DMD: variants seen among roughly 807,000 people sequenced by gnomAD.
DMD encodes mutant dystrophin.
DMD carries 63 observed loss-of-function variants against 330.1 expected under a neutral mutation model. The ratio of observed to expected loss-of-function variants is 0.19; its 90% CI spans 0.16 to 0.24. The LOEUF (loss-of-function observed/expected upper bound fraction) is 0.24. Ranked by LOEUF, DMD falls within the 10% of genes least tolerant of loss-of-function variation. The probability of loss-of-function intolerance (pLI) is 1.00; values close to 1 mark genes in which losing one functional copy is unlikely to be tolerated. For synonymous variants in DMD, 1,223 were observed against 959.8 expected (o/e 1.27, Z -5.07); for missense variants, 3,344 against 2,684.1 (o/e 1.25, Z -5.43).
chrX:32,235,429 C>T (rs2097184030), intron 43 of DMD, among the ~76,000 whole-genome samples: 2 of 111,536 alleles, frequency 1.8e-5, no homozygotes, highest in African/African-American at 6.5e-5. Context: ...CTGCTGCTCA[C>T]CTACTGCTTT....
intron 44 of DMD, among the ~76,000 whole-genome samples, chrX:32,015,523 T>C (rs2095754294): frequency 9.0e-6 from 1 of 111,569 alleles, no homozygotes; most frequent in Non-Finnish European, 1.9e-5. Context: ...CAGGTCTAAG[T>C]TCCCAAGTGA....
intron 25 of DMD, among the ~76,000 whole-genome samples, chrX:32,456,863 G>A (rs377018786): frequency 9.5e-6 from 1 of 105,661 alleles, no homozygotes; most frequent in Admixed American, 1.0e-4. Context: ...GTTTTAACAT[G>A]TTAGATTTAA....
chrX:32,323,436 G>A (rs990036408), intron 41 of DMD, among the ~76,000 whole-genome samples: 4 of 111,562 alleles, frequency 3.6e-5, no homozygotes, highest in Non-Finnish European at 7.5e-5. Context: ...AAGTGATAGT[G>A]TAATTTAAGT....
intron 7 of DMD, among the ~76,000 whole-genome samples, chrX:32,710,343 TA>T (rs1219509145): frequency 9.0e-6 from 1 of 110,821 alleles, no homozygotes; most frequent in African/African-American, 3.3e-5. Context: ...CTCAGCTTCC[TA>T]TTGTATTGCA....
At chrX:31,487,647 C>A (rs2068923563) in intron 57 of DMD, among the ~76,000 whole-genome samples, 1 of 111,381 alleles carries the variant, frequency 9.0e-6, no homozygotes, top group Admixed American at 9.6e-5. Context: ...TGTATGGCAA[C>A]CATTTTTCTA....
chrX:33,038,951 G>A (rs949976131), intron 1 of DMD, among the ~76,000 whole-genome samples: 4 of 111,402 alleles, frequency 3.6e-5, no homozygotes. Flanking sequence ...CCAAGATCGC[G>A]TCACTGCACT....
chrX:31,746,734 G>A (rs951685378), intron 51 of DMD, among the ~76,000 whole-genome samples: 2 of 110,816 alleles, frequency 1.8e-5, no homozygotes, highest in Non-Finnish European at 3.8e-5. Context: ...TTAATGGCTT[G>A]GAAATCCTTG....
At position 31,121,744 on chromosome X, in the gene DMD, G is replaced by T. The variant is rs418795; in HGVS notation, c.*175C>A. The T allele has an allele frequency of 1.4e-6, 1 of 707,627 alleles. No homozygotes were observed. The highest frequency in any genetic ancestry group is 2.2e-6 in the Non-Finnish European group (1 of 446,996). 58.3% of individuals were successfully genotyped at this position (707,627 alleles called of 1,213,427 possible). ...TACCACTACCCTTCACAAAAATATA[G>T]ATTTATTTCTTGTAAACTCTTACTG... On this transcript the variant is annotated 3_prime_UTR_variant, in exon 79 of 79. Transcript: ENST00000357033.
chrX:31,979,304 C>G (rs1181166245), intron 44 of DMD, among the ~76,000 whole-genome samples: 1 of 111,883 alleles, frequency 8.9e-6, no homozygotes, highest in Non-Finnish European at 1.9e-5. Context: ...AATCCTCCCA[C>G]CTTAGCCTTC....
chrX:33,112,289 T>C (rs1185063530), intron 1 of DMD, among the ~76,000 whole-genome samples: 1 of 111,437 alleles, frequency 9.0e-6, no homozygotes, highest in Non-Finnish European at 1.9e-5. Context: ...ATAAGAAACA[T>C]AATATATACA....
intron 44 of DMD, among the ~76,000 whole-genome samples, chrX:32,188,769 C>A (rs1210354489): frequency 1.8e-5 from 2 of 110,187 alleles, no homozygotes; most frequent in Admixed American, 2.0e-4. Context: ...TCTATATAAA[C>A]TTTAAATTAC....
chrX:32,678,079 T>A (rs752595995), intron 9 of DMD, among the ~76,000 whole-genome samples: 76 of 110,825 alleles, frequency 6.9e-4, no homozygotes, highest in African/African-American at 2.2e-3. Flanking sequence ...GAGATTAGAG[T>A]GGTGGCTTTT....
At chrX:32,175,404 G>A (rs763873239) in intron 44 of DMD, among the ~76,000 whole-genome samples, 1 of 110,749 alleles carries the variant, frequency 9.0e-6, no homozygotes, top group South Asian at 3.9e-4. Context: ...ACATGGGAGG[G>A]GACAGTAAGG....
At chrX:32,189,370 CAA>C (rs201007036) in intron 44 of DMD, among the ~76,000 whole-genome samples, 132 of 82,010 alleles carry the variant, frequency 1.6e-3, no homozygotes, top group African/African-American at 4.2e-3. Flanking sequence ...CAGCAAACTA[CAA>C]AAAAAAAAAA....
chrX:31,397,726 A>G (rs1008695451), intron 60 of DMD, among the ~76,000 whole-genome samples: 1 of 112,502 alleles, frequency 8.9e-6, no homozygotes, highest in Admixed American at 9.4e-5. Flanking sequence ...TAGGAAACAT[A>G]ATGCAAAATT....
chrX:32,341,262 G>A (rs1270330617), intron 41 of DMD, among the ~76,000 whole-genome samples: 1 of 111,418 alleles, frequency 9.0e-6, no homozygotes, highest in South Asian at 3.7e-4. Context: ...CTGGTTTTGT[G>A]AGGAGTACTT....
chrX:32,205,891 C>A, intron 44 of DMD: 1 of 329,012 alleles, frequency 3.0e-6, no homozygotes, highest in Non-Finnish European at 5.5e-6. Flanking sequence ...CGTCCTGCCA[C>A]CTGATGGACG....
At chrX:31,882,166 C>T (rs1408914768) in intron 47 of DMD, among the ~76,000 whole-genome samples, 3 of 112,020 alleles carry the variant, frequency 2.7e-5, no homozygotes, top group Admixed American at 9.5e-5. Flanking sequence ...CTTTGAAGAA[C>T]GACGAAGTTT....
intron 1 of DMD, among the ~76,000 whole-genome samples, chrX:33,082,203 C>T (rs770574026): frequency 8.9e-6 from 1 of 112,035 alleles, no homozygotes; most frequent in South Asian, 3.7e-4. Flanking sequence ...ATATCTATAG[C>T]TTGTTTATCC....
Sources: allele counts gnomAD v4.1 joint callset (sites outside exome capture counted in the v4.1 genomes callset), GRCh38; gene constraint gnomAD v4.1.1; transcripts MANE v1.5; gene names NCBI Gene and HGNC (gene_info 2026-07-23, HGNC 2026-07-21).